Variants in IQCM observed in about 807,000 individuals in gnomAD.
IQCM encodes the protein IQ domain-containing protein M.
IQCM carries 45 observed loss-of-function variants against 57.6 expected under a neutral mutation model. The observed-to-expected ratio is 0.78, with a 90% CI of 0.62 to 1.00. The LOEUF is 1.00. Among genes scored for constraint, IQCM ranks in the 50% least tolerant of loss-of-function variants. IQCM has a pLI of 0.00. For missense variants in IQCM, 468 were observed against 511.6 expected (o/e 0.91, Z 0.82); for synonymous variants, 148 against 158.9 (o/e 0.93, Z 0.51).
At chr4:149,663,067 C>T (rs1009679517) in intron 7 of IQCM, among the ~76,000 whole-genome samples, 2 of 151,654 alleles carry the variant, frequency 1.3e-5, no homozygotes. Context: ...TGTGTATTTA[C>T]TATAATTTCT....
intron 13 of IQCM, among the ~76,000 whole-genome samples, chr4:149,417,820 C>CA (rs1733852776): frequency 7.4e-6 from 1 of 134,806 alleles, no homozygotes; most frequent in African/African-American, 2.7e-5. Context: ...TCCCTTTTTC[C>CA]TTTTTTTTTT....
intron 12 of IQCM, among the ~76,000 whole-genome samples, chr4:149,476,494 G>C (rs1014789701): frequency 3.3e-5 from 5 of 152,066 alleles, no homozygotes; most frequent in Non-Finnish European, 5.9e-5. Context: ...TGTAAGACTG[G>C]GATATATGGA....
intron 7 of IQCM, among the ~76,000 whole-genome samples, chr4:149,655,105 C>T (rs1690022983): frequency 6.6e-6 from 1 of 151,986 alleles, no homozygotes; most frequent in African/African-American, 2.4e-5. Context: ...ACATGAATGA[C>T]CTACCTGTAA....
intron 5 of IQCM, among the ~76,000 whole-genome samples, chr4:149,716,398 C>G (rs1370515047): frequency 1.3e-5 from 2 of 152,182 alleles, no homozygotes; most frequent in African/African-American, 4.8e-5. Flanking sequence ...TGGGAGAGGC[C>G]AGCCAGCAGG....
intron 2 of IQCM, among the ~76,000 whole-genome samples, chr4:149,745,186 A>C (rs1767810705): frequency 6.6e-6 from 1 of 152,126 alleles, no homozygotes; most frequent in South Asian, 2.1e-4. Flanking sequence ...AAAGGCATGG[A>C]GGTGAGAATA....
chr4:149,538,800 A>G (rs941449958), intron 12 of IQCM, among the ~76,000 whole-genome samples: 3 of 151,956 alleles, frequency 2.0e-5, no homozygotes, highest in Non-Finnish European at 2.9e-5. Context: ...GAAAAGAAAA[A>G]AAGAAACTGA....
At chr4:149,474,107 T>C (rs11729341) in intron 12 of IQCM, among the ~76,000 whole-genome samples, 56,869 of 151,184 alleles carry the variant, frequency 0.38, 13,248 homozygotes, top group Non-Finnish European at 0.51. Flanking sequence ...ACATGTACCC[T>C]AGAACTTAAA....
chr4:149,810,532 C>T (rs566592275), intron 2 of IQCM, among the ~76,000 whole-genome samples: 1 of 151,954 alleles, frequency 6.6e-6, no homozygotes, highest in Non-Finnish European at 1.5e-5. Context: ...TCACTGCAAC[C>T]TCTGCCTCCC....
At chr4:149,728,468 T>G (rs1766159917) in intron 5 of IQCM, among the ~76,000 whole-genome samples, 1 of 152,216 alleles carries the variant, frequency 6.6e-6, no homozygotes, top group South Asian at 2.1e-4. Flanking sequence ...CTTTGTATAT[T>G]TACTGAATAT....
chr4:149,383,131 T>C (rs574594353), intron 13 of IQCM, among the ~76,000 whole-genome samples: 1 of 152,270 alleles, frequency 6.6e-6, no homozygotes, highest in Admixed American at 6.5e-5. Context: ...AACAACACTT[T>C]GTCTTAAATT....
chr4:149,356,489 T>G (rs563402798), intron 13 of IQCM, among the ~76,000 whole-genome samples: 15 of 152,114 alleles, frequency 9.9e-5, no homozygotes, highest in South Asian at 4.2e-4. Flanking sequence ...CAGCACCATT[T>G]ATTAAATAGG....
chr4:149,526,660 G>T (rs1169708759), intron 12 of IQCM, among the ~76,000 whole-genome samples: 1 of 151,868 alleles, frequency 6.6e-6, no homozygotes, highest in East Asian at 1.9e-4. Context: ...ATGATAAAAT[G>T]CTCTCAACAG....
chr4:149,546,650 C>T (rs1158460038), intron 12 of IQCM, among the ~76,000 whole-genome samples: 1 of 152,106 alleles, frequency 6.6e-6, no homozygotes, highest in African/African-American at 2.4e-5. Flanking sequence ...ATCCTTTGCC[C>T]ACTTTTTGAT....
intron 2 of IQCM, among the ~76,000 whole-genome samples, chr4:149,794,066 T>C (rs1772888896): frequency 6.6e-6 from 1 of 152,194 alleles, no homozygotes; most frequent in African/African-American, 2.4e-5. Context: ...ATTGCAGTGA[T>C]GGAGAAGACA....
At chr4:149,384,983 C>T (rs750571254) in intron 13 of IQCM, among the ~76,000 whole-genome samples, 1 of 151,974 alleles carries the variant, frequency 6.6e-6, no homozygotes, top group Non-Finnish European at 1.5e-5. Flanking sequence ...ATTTTCTACA[C>T]CATCCACTTC....
intron 5 of IQCM, among the ~76,000 whole-genome samples, chr4:149,693,654 T>C (rs1763105312): frequency 6.6e-6 from 1 of 152,234 alleles, no homozygotes; most frequent in Non-Finnish European, 1.5e-5. Flanking sequence ...TTCCAAATTA[T>C]GGAATTTTAA....
At chr4:149,813,544 A>C (rs1418002639) in intron 2 of IQCM, among the ~76,000 whole-genome samples, 1 of 152,098 alleles carries the variant, frequency 6.6e-6, no homozygotes, top group Non-Finnish European at 1.5e-5. Context: ...AGCAACTAGC[A>C]GTACCAATTT....
At chr4:149,540,904 T>C (rs937095155) in intron 12 of IQCM, among the ~76,000 whole-genome samples, 22 of 152,272 alleles carry the variant, frequency 1.4e-4, no homozygotes, top group Non-Finnish European at 8.8e-5. Context: ...CAAATTTCAA[T>C]TTTAGAAGTT....
At chr4:149,668,291 T>C (rs1760920347) in intron 7 of IQCM, among the ~76,000 whole-genome samples, 1 of 152,080 alleles carries the variant, frequency 6.6e-6, no homozygotes, top group Non-Finnish European at 1.5e-5. Flanking sequence ...TTAAATAAAA[T>C]AATTTTCAAC....
Sources: allele counts gnomAD v4.1 joint callset (sites outside exome capture counted in the v4.1 genomes callset), GRCh38; gene constraint gnomAD v4.1.1; transcripts MANE v1.5; gene names NCBI Gene and HGNC (gene_info 2026-07-23, HGNC 2026-07-21).